The following SIPA1L2 variants were observed in gnomAD, a reference collection of about 807,000 sequenced individuals.
SIPA1L2 encodes the protein signal-induced proliferation-associated 1-like protein 2.
A neutral mutation model predicts 163.9 loss-of-function variants in SIPA1L2; 56 were observed. That is an observed-to-expected ratio of 0.34 (90% confidence interval 0.28 to 0.43). The LOEUF is 0.43. Ranked by LOEUF, SIPA1L2 falls within the 20% of genes least tolerant of loss-of-function variation. The pLI, the probability that SIPA1L2 is intolerant of heterozygous loss-of-function variation, is 1.00. For missense variants in SIPA1L2, 1,974 were observed against 2,193.5 expected (o/e 0.90, Z 2.00); for synonymous variants, 877 against 865.7 (o/e 1.01, Z -0.23).
rs375470506 is a variant in SIPA1L2, at chr1:232,566,254, TTTCA to T, written c.-270+7916_-270+7919del. 1.2e-4 allele frequency among the ~76,000 whole-genome samples: 19 copies of T among 152,358 alleles called. No individual in the cohort carries two copies. The South Asian group carries it at 2.9e-3, about 23-fold the overall frequency. On this transcript the variant is annotated intron_variant, in intron 2 of 22. Coordinates refer to ENST00000674635, the MANE Select transcript of SIPA1L2 (RefSeq NM_020808.5). The stretch of plus-strand genomic sequence containing the variant: ...CATTGCTCATTACCTCAGAAAGTGC[TTTCA>T]TTGAGGAAAAAGTTATCTCATTAAA...
At chr1:232,456,165 T>C (rs1432134487) in intron 10 of SIPA1L2, among the ~76,000 whole-genome samples, 1 of 152,078 alleles carries the variant, frequency 6.6e-6, no homozygotes, top group African/African-American at 2.4e-5. Flanking sequence ...ATGGAAAAAA[T>C]TTTTAAAAAA....
chr1:232,467,153 G>GT (rs1268167643), intron 8 of SIPA1L2, among the ~76,000 whole-genome samples: 1 of 152,214 alleles, frequency 6.6e-6, no homozygotes, highest in East Asian at 1.9e-4. Flanking sequence ...CTTCAGCAGA[G>GT]TTAATCACCT....
At chr1:232,458,709 A>C (rs1664063134) in intron 10 of SIPA1L2, among the ~76,000 whole-genome samples, 1 of 152,230 alleles carries the variant, frequency 6.6e-6, no homozygotes, top group Admixed American at 6.5e-5. Flanking sequence ...TCTACTAAGG[A>C]AGACAGAAAT....
intron 1 of SIPA1L2, among the ~76,000 whole-genome samples, chr1:232,591,052 G>A (rs1373691503): frequency 6.6e-6 from 1 of 152,276 alleles, no homozygotes; most frequent in East Asian, 1.9e-4. Flanking sequence ...CCCATTTTCC[G>A]GAGTGCAGCC....
intron 1 of SIPA1L2, among the ~76,000 whole-genome samples, chr1:232,602,302 T>C (rs1383555168): frequency 6.6e-6 from 1 of 152,100 alleles, no homozygotes; most frequent in Non-Finnish European, 1.5e-5. Flanking sequence ...GGGGTGCAGA[T>C]TTTACTCAAG....
chr1:232,594,710 A>C (rs1341237336), intron 1 of SIPA1L2, among the ~76,000 whole-genome samples: 3 of 152,094 alleles, frequency 2.0e-5, no homozygotes, highest in African/African-American at 7.2e-5. Flanking sequence ...TTTCCAGTTC[A>C]ACAACCCTAA....
intron 1 of SIPA1L2, among the ~76,000 whole-genome samples, chr1:232,583,554 T>C (rs182982484): frequency 6.6e-6 from 1 of 152,322 alleles, no homozygotes; most frequent in East Asian, 1.9e-4. Flanking sequence ...AAGCTCTAAC[T>C]TAATGATGTT....
chr1:232,527,788 G>A (rs1667783843), intron 2 of SIPA1L2, among the ~76,000 whole-genome samples: 2 of 129,702 alleles, frequency 1.5e-5, no homozygotes, highest in Non-Finnish European at 3.1e-5. Context: ...TGGGGGTGCA[G>A]AGGTGCAATC....
intron 19 of SIPA1L2, among the ~76,000 whole-genome samples, chr1:232,406,511 C>A (rs1452058833): frequency 6.6e-6 from 1 of 152,214 alleles, no homozygotes; most frequent in East Asian, 1.9e-4. Flanking sequence ...ATCCTAGAGC[C>A]AAGATGGCAA....
chr1:232,435,950 G>A (rs777125689), intron 15 of SIPA1L2, among the ~76,000 whole-genome samples: 2 of 151,950 alleles, frequency 1.3e-5, no homozygotes, highest in African/African-American at 4.8e-5. Context: ...TTTAACTCCC[G>A]GGTGGCTGCC....
At chr1:232,600,298 G>C (rs1661524630) in intron 1 of SIPA1L2, among the ~76,000 whole-genome samples, 1 of 103,662 alleles carries the variant, frequency 9.6e-6, no homozygotes, top group African/African-American at 2.8e-5. Flanking sequence ...AACACATTCT[G>C]AAAACAAGAA....
At position 232,514,937 on chromosome 1, in the gene SIPA1L2, C is replaced by T. The variant is rs779583701; in HGVS notation, c.403G>A (p.Val135Met). Residue 135 changes from valine (V) to methionine (M), a missense_variant, in exon 3 of 23, where the codon GTG (valine) becomes ATG (methionine). Val to Met is a conservative substitution (Grantham distance 21). Transcript: ENST00000674635. The part of the protein sequence containing the change: ...QQDEQLDLDF[V>M]EAKYTIGDIF... ...TCTCCGATTGTGTACTTGGCCTCCA[C>T]GAAGTCCAGATCGAGCTGTTCATCT... The T allele has an allele frequency of 5.6e-6, 9 of 1,613,948 alleles. No homozygotes were observed. The highest frequency in any genetic ancestry group is 7.6e-6 in the Non-Finnish European group (9 of 1,179,988).
At chr1:232,484,236 A>C (rs1254254587) in intron 5 of SIPA1L2, among the ~76,000 whole-genome samples, 1 of 152,214 alleles carries the variant, frequency 6.6e-6, no homozygotes, top group African/African-American at 2.4e-5. Flanking sequence ...CAGGTTTCCA[A>C]AAAGGATAGG....
intron 2 of SIPA1L2, among the ~76,000 whole-genome samples, chr1:232,531,258 CT>C (rs35607562): frequency 0.19 from 29,091 of 152,084 alleles, 3,286 homozygotes; most frequent in African/African-American, 0.32. Context: ...ACCAAAACCA[CT>C]TAAGACCACC....
At chr1:232,453,090 T>A (rs1663684984) in intron 10 of SIPA1L2, among the ~76,000 whole-genome samples, 2 of 152,208 alleles carry the variant, frequency 1.3e-5, no homozygotes, top group South Asian at 4.1e-4. Flanking sequence ...AAAAAATCTT[T>A]AAAGCTGTAA....
intron 5 of SIPA1L2, among the ~76,000 whole-genome samples, chr1:232,485,102 G>A (rs968296210): frequency 2.0e-5 from 3 of 152,188 alleles, no homozygotes; most frequent in Non-Finnish European, 1.5e-5. Flanking sequence ...TTTACCACAT[G>A]CTGGATAAAC....
intron 5 of SIPA1L2, among the ~76,000 whole-genome samples, chr1:232,489,494 G>GTTT (rs1346359276): frequency 7.1e-6 from 1 of 140,894 alleles, no homozygotes; most frequent in East Asian, 3.5e-4. Flanking sequence ...TTTAGAGTAT[G>GTTT]GTTTTTTTTT....
chr1:232,508,379 TAAC>T (rs561500785), intron 3 of SIPA1L2, among the ~76,000 whole-genome samples: 20 of 152,208 alleles, frequency 1.3e-4, no homozygotes, highest in Admixed American at 6.5e-4. Flanking sequence ...CACAACTTCT[TAAC>T]AAGTTAAGGA....
intron 1 of SIPA1L2, among the ~76,000 whole-genome samples, chr1:232,597,150 T>C (rs1041165694): frequency 9.9e-5 from 15 of 152,124 alleles, no homozygotes; most frequent in East Asian, 7.7e-4. Flanking sequence ...TGGGTAACAG[T>C]ATCAATTTCA....
Sources: allele counts gnomAD v4.1 joint callset (sites outside exome capture counted in the v4.1 genomes callset), GRCh38; gene constraint gnomAD v4.1.1; transcripts MANE v1.5; gene names NCBI Gene and HGNC (gene_info 2026-07-23, HGNC 2026-07-21).